The following ROBO1 variants were observed in gnomAD, a reference collection of about 807,000 sequenced individuals.
ROBO1 encodes roundabout guidance receptor 1.
ROBO1 carries 149 observed loss-of-function variants against 195.9 expected under a neutral mutation model. The ratio of observed to expected loss-of-function variants is 0.76; its 90% CI spans 0.67 to 0.87. ROBO1 has a LOEUF of 0.87. ROBO1 is among the 40% of genes least tolerant of loss of function. The pLI, the probability that ROBO1 is intolerant of heterozygous loss-of-function variation, is 0.00. For missense variants in ROBO1, 1,933 were observed against 2,068.3 expected (o/e 0.93, Z 1.27); for synonymous variants, 816 against 733.2 (o/e 1.11, Z -1.82).
At chr3:79,475,352 G>C (rs1392510541) in intron 2 of ROBO1, among the ~76,000 whole-genome samples, 1 of 151,898 alleles carries the variant, frequency 6.6e-6, no homozygotes, top group Non-Finnish European at 1.5e-5. Flanking sequence ...GTGAGGTTCT[G>C]CTTCTGTAAC....
At chr3:79,714,914 G>A (rs1702422772) in intron 1 of ROBO1, among the ~76,000 whole-genome samples, 1 of 150,036 alleles carries the variant, frequency 6.7e-6, no homozygotes, top group Admixed American at 6.7e-5. Flanking sequence ...TGAGTTAATG[G>A]GTGCAGCACA....
At chr3:79,168,657 A>G (rs1227484905) in intron 2 of ROBO1, among the ~76,000 whole-genome samples, 2 of 152,114 alleles carry the variant, frequency 1.3e-5, no homozygotes, top group Non-Finnish European at 2.9e-5. Context: ...AAACTCTTCA[A>G]TATCTCTAGT....
intron 4 of ROBO1, among the ~76,000 whole-genome samples, chr3:78,910,113 T>C (rs1259690151): frequency 6.6e-6 from 1 of 151,824 alleles, no homozygotes; most frequent in East Asian, 1.9e-4. Context: ...ATAAAGGATT[T>C]CTTTATTTTG....
chr3:79,048,202 C>A (rs2078629894), intron 3 of ROBO1, among the ~76,000 whole-genome samples: 1 of 152,084 alleles, frequency 6.6e-6, no homozygotes, highest in South Asian at 2.1e-4. Context: ...TCCAATTAAA[C>A]CTCTGGCTTT....
intron 3 of ROBO1, among the ~76,000 whole-genome samples, chr3:78,942,165 A>T (rs1255593986): frequency 6.6e-6 from 1 of 152,016 alleles, no homozygotes; most frequent in East Asian, 1.9e-4. Flanking sequence ...AGCCAGGTGT[A>T]TGATGCACGC....
At chr3:79,726,036 A>G (rs1421811715) in intron 1 of ROBO1, among the ~76,000 whole-genome samples, 1 of 152,202 alleles carries the variant, frequency 6.6e-6, no homozygotes, top group Non-Finnish European at 1.5e-5. Context: ...TTCAAACAAG[A>G]GTCTGGCAGC....
chr3:79,453,845 G>A (rs1345988376), intron 2 of ROBO1, among the ~76,000 whole-genome samples: 1 of 152,104 alleles, frequency 6.6e-6, no homozygotes, highest in African/African-American at 2.4e-5. Flanking sequence ...TTAGTTCATT[G>A]TCCTGTAATG....
At chr3:79,522,816 T>C (rs1941264432) in intron 2 of ROBO1, among the ~76,000 whole-genome samples, 1 of 152,172 alleles carries the variant, frequency 6.6e-6, no homozygotes, top group Non-Finnish European at 1.5e-5. Context: ...CTTCAAGTTA[T>C]GTTTAATTGT....
intron 1 of ROBO1, among the ~76,000 whole-genome samples, chr3:79,702,663 C>T (rs1947653183): frequency 6.6e-6 from 1 of 151,916 alleles, no homozygotes; most frequent in Non-Finnish European, 1.5e-5. Flanking sequence ...CATGAAGAGA[C>T]TGAAAACAAT....
intron 2 of ROBO1, among the ~76,000 whole-genome samples, chr3:79,299,595 A>G (rs575201495): frequency 1.3e-5 from 2 of 152,302 alleles, no homozygotes; most frequent in Admixed American, 1.3e-4. Context: ...TATTATATAA[A>G]GTGTTTGCCA....
chr3:78,824,236 A>C lies in ROBO1; in HGVS notation c.500-77336T>G, dbSNP rs1287936679. ...GGAGAACCTTAGTCTGTGACAAGAG[A>C]TATATTAGGTTAGTGCAGAAGTAAT... On this transcript the variant is annotated intron_variant, in intron 4 of 30. Coordinates refer to ENST00000464233, the MANE Select transcript of ROBO1 (RefSeq NM_002941.4). 3.3e-5 allele frequency among the ~76,000 whole-genome samples: 5 copies of C among 152,192 alleles called. No homozygotes were observed. In the East Asian group the frequency reaches 9.6e-4, roughly 29 times the overall value.
chr3:79,546,271 C>A (rs1942261033), intron 2 of ROBO1, among the ~76,000 whole-genome samples: 1 of 152,020 alleles, frequency 6.6e-6, no homozygotes, highest in African/African-American at 2.4e-5. Context: ...GTTGACTGTT[C>A]ACATGATCGG....
At chr3:79,640,496 A>G (rs1945626920) in intron 1 of ROBO1, among the ~76,000 whole-genome samples, 1 of 152,040 alleles carries the variant, frequency 6.6e-6, no homozygotes, top group South Asian at 2.1e-4. Context: ...TACACTGCCC[A>G]TGAATTTTTT....
Position 79,688,583 on chromosome 3 carries a change from T to G in ROBO1, c.-51+79169A>C, listed in dbSNP as rs116171539. Among the ~76,000 whole-genome samples the G allele has an allele frequency of 9.3e-3, 1,420 of 152,220 alleles. 11 individuals carry two copies. Among genetic ancestry groups the G allele is most frequent in the Middle Eastern group, 0.034 (10 of 294 alleles). On this transcript the variant is annotated intron_variant, in intron 1 of 30. Coordinates refer to ENST00000464233, the MANE Select transcript of ROBO1 (RefSeq NM_002941.4). Reference sequence around the variant, plus strand: ...TGACATTTGTTTCCTAAGCACCCATTTATAAGCAATGTAATGTTGGTTGCA... The same window carrying G: ...TGACATTTGTTTCCTAAGCACCCATGTATAAGCAATGTAATGTTGGTTGCA...
intron 5 of ROBO1, among the ~76,000 whole-genome samples, chr3:78,736,744 C>T (rs959263190): frequency 6.6e-6 from 1 of 152,180 alleles, no homozygotes; most frequent in Non-Finnish European, 1.5e-5. Context: ...TAGTTTACTG[C>T]AATCCTTTCA....
intron 1 of ROBO1, among the ~76,000 whole-genome samples, chr3:79,688,065 T>A (rs1204009696): frequency 4.6e-5 from 7 of 152,074 alleles, no homozygotes; most frequent in Non-Finnish European, 5.9e-5. Context: ...TCATGTCCTT[T>A]GTAGGGACAT....
chr3:79,074,077 T>C (rs183297497), intron 3 of ROBO1, among the ~76,000 whole-genome samples: 1 of 152,040 alleles, frequency 6.6e-6, no homozygotes, highest in East Asian at 1.9e-4. Flanking sequence ...CTTTAATTGA[T>C]TGTATTATTT....
At chr3:79,054,429 C>A (rs1399577990) in intron 3 of ROBO1, among the ~76,000 whole-genome samples, 1 of 152,016 alleles carries the variant, frequency 6.6e-6, no homozygotes, top group Non-Finnish European at 1.5e-5. Context: ...AAATGTGAAC[C>A]ATGAGTGTAA....
chr3:78,969,753 A>G (rs2076722274), intron 3 of ROBO1, among the ~76,000 whole-genome samples: 1 of 152,238 alleles, frequency 6.6e-6, no homozygotes, highest in Non-Finnish European at 1.5e-5. Context: ...GAAGCCAAAC[A>G]TATGAAAAGG....
Sources: gnomAD v4.1 joint callset for allele counts (sites outside exome capture counted in the v4.1 genomes callset) on GRCh38, gnomAD v4.1.1 for gene constraint, MANE v1.5 for transcripts, NCBI Gene and HGNC (gene_info 2026-07-23, HGNC 2026-07-21) for gene names.